Variants in RAP1GDS1 observed in about 807,000 individuals in gnomAD.
The protein encoded by RAP1GDS1 is RAP1, GTP-GDP dissociation stimulator 1.
In RAP1GDS1, 35 loss-of-function variants were observed where a neutral mutation model predicts 71.1. The ratio of observed to expected loss-of-function variants is 0.49; its 90% CI spans 0.38 to 0.65. The LOEUF is 0.65. RAP1GDS1 is among the 30% of genes least tolerant of loss of function. The pLI is 0.00. For synonymous variants in RAP1GDS1, 229 were observed against 243.1 expected, an observed-to-expected ratio of 0.94 and a Z score of 0.54; for missense variants, 663 against 706.1, an observed-to-expected ratio of 0.94 and a Z score of 0.69.
rs529136695 is a variant in RAP1GDS1, at chr4:98,442,260, C to T, written c.*143C>T. ...CCAATTGAAGAACCGCTGTAGGTAC[C>T]TCCCTAATAAGATTTCTAAACCTAT... On this transcript the variant is annotated 3_prime_UTR_variant, in exon 15 of 15. Coordinates refer to ENST00000408927, the MANE Select transcript of RAP1GDS1 (RefSeq NM_001100427.2). 7.0e-6 allele frequency: 8 copies of T among 1,146,072 alleles called. No homozygotes were observed. Among genetic ancestry groups the T allele is most frequent in the Middle Eastern group, 3.0e-4 (1 of 3,306 alleles). 71.0% of individuals were successfully genotyped at this position (1,146,072 alleles called of 1,614,324 possible).
Position 98,437,025 on chromosome 4 carries a change from C to T in RAP1GDS1, c.1653C>T (p.Ile551=). 1 of 1,612,458 alleles carries T rather than the reference C, an allele frequency of 6.2e-7. No individual in the cohort carries two copies. Among genetic ancestry groups the T allele is most frequent in the Non-Finnish European group, 8.5e-7 (1 of 1,179,596 alleles). The part of the protein sequence containing the change: ...LLADERSAPE[I]KYNSMVLICA... Reference sequence around the variant, plus strand: ...CAGATGAGAGAAGTGCTCCTGAAATCAAATATAATTCCATGGTCCTGATAT... The same window carrying T: ...CAGATGAGAGAAGTGCTCCTGAAATTAAATATAATTCCATGGTCCTGATAT... The change falls in exon 14 of 15, where the codon ATC becomes ATT. Residue 551 remains isoleucine, a synonymous_variant. Coordinates refer to ENST00000408927, the MANE Select transcript of RAP1GDS1 (RefSeq NM_001100427.2).
At chr4:98,330,286 C>T (rs1341079116) in intron 2 of RAP1GDS1, among the ~76,000 whole-genome samples, 1 of 152,200 alleles carries the variant, frequency 6.6e-6, no homozygotes, top group African/African-American at 2.4e-5. Flanking sequence ...CTTTTCTATT[C>T]GACAAAACCG....
intron 2 of RAP1GDS1, among the ~76,000 whole-genome samples, chr4:98,334,589 T>C (rs76255122): frequency 0.029 from 4,470 of 152,246 alleles, 209 homozygotes; most frequent in African/African-American, 0.1. Flanking sequence ...TAGACAGAGA[T>C]ACTTTATATT....
chr4:98,343,766 A>G (rs989187587), intron 3 of RAP1GDS1, among the ~76,000 whole-genome samples: 3 of 152,166 alleles, frequency 2.0e-5, no homozygotes, highest in Non-Finnish European at 4.4e-5. Flanking sequence ...TGGAAAAACA[A>G]TAATGACAAC....
At chr4:98,333,303 A>G (rs1290577651) in intron 2 of RAP1GDS1, among the ~76,000 whole-genome samples, 1 of 152,006 alleles carries the variant, frequency 6.6e-6, no homozygotes, top group Non-Finnish European at 1.5e-5. Flanking sequence ...ACAAAATTAT[A>G]TATATTAGAA....
chr4:98,425,858 C>G (rs1749540586), intron 12 of RAP1GDS1, among the ~76,000 whole-genome samples: 2 of 152,106 alleles, frequency 1.3e-5, no homozygotes, highest in Admixed American at 6.6e-5. Context: ...TTAAACTATA[C>G]CCTAGAACAA....
intron 3 of RAP1GDS1, among the ~76,000 whole-genome samples, chr4:98,349,443 A>G (rs7678942): frequency 0.14 from 20,750 of 152,038 alleles, 2,025 homozygotes; most frequent in African/African-American, 0.27. Flanking sequence ...TTGACTTGGC[A>G]ATGTGGGCTC....
chr4:98,437,684 T>C lies in RAP1GDS1; in HGVS notation c.1696+616T>C, dbSNP rs575104765. Among the ~76,000 whole-genome samples the C allele has an allele frequency of 3.3e-5, 5 of 151,490 alleles. No homozygotes were observed. In the South Asian group the frequency reaches 1.0e-3, roughly 32 times the overall value. ...GGCACACGCCTGTAGTCCCAGCTAC[T>C]CAGAAGGCTGAGGCAAGACAATCGC... On this transcript the variant is annotated intron_variant, in intron 14 of 14. Coordinates refer to ENST00000408927, the MANE Select transcript of RAP1GDS1 (RefSeq NM_001100427.2).
At chr4:98,398,884 A>G (rs1035962834) in intron 6 of RAP1GDS1, among the ~76,000 whole-genome samples, 1 of 152,210 alleles carries the variant, frequency 6.6e-6, no homozygotes, top group Non-Finnish European at 1.5e-5. Context: ...AAAGACCTAC[A>G]AGGAAAACTA....
chr4:98,395,351 GTTTGC>G (rs1744368970), intron 6 of RAP1GDS1, among the ~76,000 whole-genome samples: 2 of 152,106 alleles, frequency 1.3e-5, no homozygotes, highest in South Asian at 4.1e-4. Context: ...CAGTGATTAT[GTTTGC>G]TTTGCTGAGT....
intron 12 of RAP1GDS1, among the ~76,000 whole-genome samples, chr4:98,433,057 T>G (rs550075503): frequency 2.0e-5 from 3 of 152,248 alleles, no homozygotes; most frequent in African/African-American, 4.8e-5. Context: ...TCAGTGGGAT[T>G]TATTGAATCC....
intron 7 of RAP1GDS1, among the ~76,000 whole-genome samples, chr4:98,413,368 C>T (rs1033246523): frequency 4.2e-4 from 64 of 151,924 alleles, no homozygotes; most frequent in African/African-American, 1.5e-3. Flanking sequence ...TATCCCTCCC[C>T]GCTCCCCCCA....
intron 1 of RAP1GDS1, among the ~76,000 whole-genome samples, chr4:98,273,093 A>G (rs1412727117): frequency 6.6e-6 from 1 of 151,564 alleles, no homozygotes; most frequent in Non-Finnish European, 1.5e-5. Context: ...ATCTTCCACT[A>G]CCCTCCTCAT....
intron 3 of RAP1GDS1, among the ~76,000 whole-genome samples, chr4:98,350,952 A>T (rs1425827239): frequency 1.3e-5 from 2 of 152,222 alleles, no homozygotes; most frequent in Non-Finnish European, 2.9e-5. Flanking sequence ...TCGAGGCTAC[A>T]GTGAGCCATT....
At chr4:98,393,209 A>C (rs141517054) in intron 6 of RAP1GDS1, among the ~76,000 whole-genome samples, 1 of 152,146 alleles carries the variant, frequency 6.6e-6, no homozygotes, top group Non-Finnish European at 1.5e-5. Context: ...TTCTAACTGA[A>C]AGCTCATCTT....
At chr4:98,274,194 G>A (rs888008539) in intron 1 of RAP1GDS1, among the ~76,000 whole-genome samples, 1 of 152,104 alleles carries the variant, frequency 6.6e-6, no homozygotes, top group Non-Finnish European at 1.5e-5. Flanking sequence ...AATTTCCAAA[G>A]CTATAGTAGT....
intron 1 of RAP1GDS1, 135 bp from the exon 2 acceptor site, chr4:98,293,273 A>T (rs547729682): frequency 3.4e-6 from 2 of 583,596 alleles, no homozygotes; most frequent in Non-Finnish European, 6.0e-6. Flanking sequence ...GTCTAATGCC[A>T]TTTTGGAATG....
At chr4:98,330,076 G>T (rs1301776411) in intron 2 of RAP1GDS1, among the ~76,000 whole-genome samples, 2 of 152,106 alleles carry the variant, frequency 1.3e-5, no homozygotes, top group Non-Finnish European at 2.9e-5. Flanking sequence ...ATCCTGCACT[G>T]CCCTTAATCC....
At chr4:98,411,805 C>T (rs1747104376) in intron 7 of RAP1GDS1, among the ~76,000 whole-genome samples, 1 of 152,142 alleles carries the variant, frequency 6.6e-6, no homozygotes, top group Non-Finnish European at 1.5e-5. Flanking sequence ...AGAGTGATTT[C>T]AGCATTAGAA....
Sources: allele counts gnomAD v4.1 joint callset (sites outside exome capture counted in the v4.1 genomes callset), GRCh38; gene constraint gnomAD v4.1.1; transcripts MANE v1.5; gene names NCBI Gene and HGNC (gene_info 2026-07-23, HGNC 2026-07-21).